Variants in CCDC88C observed in about 807,000 individuals in gnomAD.
CCDC88C encodes the protein protein Daple.
A neutral mutation model predicts 198.8 loss-of-function variants in CCDC88C; 131 were observed. The ratio of observed to expected loss-of-function variants is 0.66; its 90% CI spans 0.57 to 0.76. CCDC88C has a LOEUF of 0.76. Ranked by LOEUF, CCDC88C falls within the 30% of genes least tolerant of loss-of-function variation. The pLI is 0.00. For synonymous variants in CCDC88C, 1,166 were observed against 1,114.7 expected, an observed-to-expected ratio of 1.05 and a Z score of -0.92; for missense variants, 2,553 against 2,631.6, an observed-to-expected ratio of 0.97 and a Z score of 0.65.
intron 23 of CCDC88C, among the ~76,000 whole-genome samples, chr14:91,293,124 T>TTGCCACAGCCCACCTTCCCATCCTCACC (rs1890745284): frequency 3.0e-4 from 2 of 6,662 alleles, no homozygotes; most frequent in Non-Finnish European, 6.4e-4. Context: ...CCGTCCTCAC[T>TTGCCACAGCCCACCTTCCCATCCTCACC]TGCCACAGCC....
At chr14:91,365,080 C>T (rs536565592) in intron 3 of CCDC88C, among the ~76,000 whole-genome samples, 1 of 152,304 alleles carries the variant, frequency 6.6e-6, no homozygotes, top group Non-Finnish European at 1.5e-5. Context: ...AATGCTGTGA[C>T]GCTAAGCACT....
Position 91,325,829 on chromosome 14 carries a change from A to C in CCDC88C, c.1197+81T>G. On this transcript the variant is annotated intron_variant, in intron 11 of 29. Transcript: ENST00000389857. The surrounding 1 kb of genome is among the most constrained non-coding windows in gnomAD (Gnocchi z 4.1). ...AGGGATCCTCCCACCTTAGCCTCCC[A>C]AAGTGCTGGGATTACAGGCATGAGC... The C allele has an allele frequency of 2.1e-6, 3 of 1,418,262 alleles. No homozygotes were observed. The highest frequency in any genetic ancestry group is 1.9e-6 in the Non-Finnish European group (2 of 1,046,778). 87.9% of individuals were successfully genotyped at this position (1,418,262 alleles called of 1,614,324 possible).
intron 23 of CCDC88C, among the ~76,000 whole-genome samples, chr14:91,291,953 C>T (rs901905540): frequency 3.9e-5 from 6 of 152,184 alleles, no homozygotes; most frequent in African/African-American, 1.4e-4. Flanking sequence ...CATTCGGAGC[C>T]GCGCTGCCCA....
At chr14:91,307,584 C>CTT (rs1891613278) in intron 17 of CCDC88C, among the ~76,000 whole-genome samples, 1 of 152,226 alleles carries the variant, frequency 6.6e-6, no homozygotes, top group African/African-American at 2.4e-5. Context: ...TCTCAAAGCC[C>CTT]CTGCTGGCAC....
At chr14:91,330,912 G>A (rs1227894083) in intron 10 of CCDC88C, among the ~76,000 whole-genome samples, 1 of 152,116 alleles carries the variant, frequency 6.6e-6, no homozygotes, top group Non-Finnish European at 1.5e-5. Flanking sequence ...AAGCCCAGAG[G>A]AGAAGCAGAG....
intron 25 of CCDC88C, among the ~76,000 whole-genome samples, chr14:91,287,826 G>C (rs1890480866): frequency 6.6e-6 from 1 of 152,022 alleles, no homozygotes; most frequent in South Asian, 2.1e-4. Context: ...AAGTCCTAGT[G>C]TCCTTTGTAA....
At chr14:91,345,676 C>T (rs1198837171) in intron 4 of CCDC88C, among the ~76,000 whole-genome samples, 3 of 152,162 alleles carry the variant, frequency 2.0e-5, no homozygotes, top group Non-Finnish European at 4.4e-5. Flanking sequence ...ACCACTTTCC[C>T]AACTTTGTCA....
In CCDC88C at chr14:91,324,798, C is replaced by T. The variant is rs1352080707; in HGVS notation, c.1323G>A (p.Lys441=). The T allele has an allele frequency of 6.2e-7, 1 of 1,612,378 alleles. No individual in the cohort carries two copies. The highest frequency in any genetic ancestry group is 2.2e-5 in the East Asian group (1 of 44,892). ...HLGWELEQLS[K]NADLSDASRK... Reference sequence around the variant, plus strand: ...ACCTACCGTCTGACAAGTCTGCGTTCTTGGACAGCTGCTCCAGCTCCCAGC... The same window carrying T: ...ACCTACCGTCTGACAAGTCTGCGTTTTTGGACAGCTGCTCCAGCTCCCAGC... The change falls in exon 12 of 30, where the codon AAG becomes AAA. Residue 441 remains lysine (K), a synonymous_variant. Transcript: ENST00000389857.
intron 10 of CCDC88C, among the ~76,000 whole-genome samples, chr14:91,332,085 G>A (rs1892859798): frequency 6.6e-6 from 1 of 152,148 alleles, no homozygotes; most frequent in South Asian, 2.1e-4. Context: ...AGCCAGCGCT[G>A]CCTAGAGAGC....
intron 20 of CCDC88C, among the ~76,000 whole-genome samples, chr14:91,301,754 A>G (rs1158090970): frequency 6.6e-6 from 1 of 152,256 alleles, no homozygotes; most frequent in Non-Finnish European, 1.5e-5. Context: ...ATACAGCATT[A>G]TTTAATACGA....
chr14:91,354,769 A>G (rs764400584), intron 4 of CCDC88C, among the ~76,000 whole-genome samples: 18 of 152,328 alleles, frequency 1.2e-4, no homozygotes, highest in Non-Finnish European at 1.6e-4. Flanking sequence ...ATTCGAACGC[A>G]CTGACAACAA....
At chr14:91,359,529 G>A (rs916690096) in intron 4 of CCDC88C, 113 bp downstream of exon 4, 13 of 766,588 alleles carry the variant, frequency 1.7e-5, no homozygotes, top group Middle Eastern at 2.8e-4. Flanking sequence ...AAACGATCAC[G>A]TGTTTTCACT....
At chr14:91,282,192 G>A (rs555502655) in intron 26 of CCDC88C, among the ~76,000 whole-genome samples, 2 of 152,300 alleles carry the variant, frequency 1.3e-5, no homozygotes, top group Admixed American at 1.3e-4. Flanking sequence ...ACAGATATCT[G>A]GAGTGGGAGG....
At chr14:91,321,853 C>G (rs1191252454) in intron 12 of CCDC88C, among the ~76,000 whole-genome samples, 1 of 152,102 alleles carries the variant, frequency 6.6e-6, no homozygotes, top group African/African-American at 2.4e-5. Flanking sequence ...TTGAAGAAAA[C>G]TGTGATAGTG....
intron 3 of CCDC88C, among the ~76,000 whole-genome samples, chr14:91,394,961 T>C (rs1014366560): frequency 6.6e-5 from 10 of 151,942 alleles, no homozygotes; most frequent in Non-Finnish European, 1.5e-4. Context: ...GCCAGACGGG[T>C]GGGCATCCTC....
At chr14:91,322,725 T>C (rs1326694705) in intron 12 of CCDC88C, among the ~76,000 whole-genome samples, 1 of 152,170 alleles carries the variant, frequency 6.6e-6, no homozygotes, top group Non-Finnish European at 1.5e-5. Flanking sequence ...CAAGCACACT[T>C]TTCTGCAACC....
At chr14:91,373,322 T>C (rs1894915848) in intron 3 of CCDC88C, among the ~76,000 whole-genome samples, 1 of 152,158 alleles carries the variant, frequency 6.6e-6, no homozygotes, top group Non-Finnish European at 1.5e-5. Context: ...GGGGCAGGTC[T>C]GGCCCTGGGA....
intron 19 of CCDC88C, 33 bp from the exon 20 acceptor site, chr14:91,304,011 G>A (rs549925877): frequency 1.3e-6 from 2 of 1,585,134 alleles, no homozygotes; most frequent in South Asian, 2.2e-5. Flanking sequence ...CGTGGCGCAG[G>A]CCCCACAGTC....
At chr14:91,289,965 C>G (rs912587187) in intron 24 of CCDC88C, among the ~76,000 whole-genome samples, 3 of 152,132 alleles carry the variant, frequency 2.0e-5, no homozygotes, top group Non-Finnish European at 4.4e-5. Context: ...CTGTGTCAAA[C>G]AGAAGATTCA....
Sources: gnomAD v4.1 joint callset for allele counts (sites outside exome capture counted in the v4.1 genomes callset) on GRCh38, gnomAD v4.1.1 for gene constraint, Gnocchi (gnomAD v3.1) non-coding constraint, MANE v1.5 for transcripts, NCBI Gene and HGNC (gene_info 2026-07-23, HGNC 2026-07-21) for gene names.